Variants in MIER2 observed in about 807,000 individuals in gnomAD.
MIER2 encodes the protein MIER family member 2, also known as mesoderm induction early response protein 2.
In MIER2, 30 loss-of-function variants were observed where a neutral mutation model predicts 67.6. The observed-to-expected ratio is 0.44, with a 90% CI of 0.33 to 0.60. The LOEUF (loss-of-function observed/expected upper bound fraction) is 0.60. Ranked by LOEUF, MIER2 falls within the 20% of genes least tolerant of loss-of-function variation. The pLI, the probability that MIER2 is intolerant of heterozygous loss-of-function variation, is 0.02. For synonymous variants in MIER2, 372 were observed against 312.6 expected (o/e 1.19, Z -2.00); for missense variants, 702 against 745.1 (o/e 0.94, Z 0.67).
chr19:318,913 C>T (rs1444308354), intron 7 of MIER2, among the ~76,000 whole-genome samples: 6 of 151,722 alleles, frequency 4.0e-5, no homozygotes, highest in East Asian at 1.9e-4. Flanking sequence ...AAAAACTAGC[C>T]GGGCGTGGTG....
At chr19:325,281 G>C (rs570270216) in intron 7 of MIER2, among the ~76,000 whole-genome samples, 327 of 152,350 alleles carry the variant, frequency 2.1e-3, no homozygotes, top group African/African-American at 7.4e-3. Flanking sequence ...CGGGTCTCTG[G>C]AGAACCATCT....
rs199705176 is a variant in MIER2 at position 327,974 on chromosome 19, A to C, written c.259T>G (p.Phe87Val). ...DFISQSNDMP[F>V]DELLALYGYE... ...CCATAGAGCGCAAGCAGCTCATCAA[A>C]GGGCATGTCGTTGCTCTGAGTTGGG... Residue 87 changes from phenylalanine (F) to valine (V), a missense_variant, in exon 4 of 14, where the codon TTT becomes GTT. By Grantham distance (50) the Phe-to-Val change is conservative. Transcript: ENST00000264819. The C allele has an allele frequency of 1.2e-6, 2 of 1,613,152 alleles. No individual in the cohort carries two copies. Among genetic ancestry groups the C allele is most frequent in the East Asian group, 4.5e-5 (2 of 44,706 alleles).
At chr19:307,645 G>A in intron 12 of MIER2, 109 bp from the exon 13 acceptor site, 6 of 1,184,920 alleles carry the variant, frequency 5.1e-6, no homozygotes, top group Non-Finnish European at 6.7e-6. Flanking sequence ...TCCCTCCCCA[G>A]AAAAGCCTCC....
chr19:336,318 G>C (rs1233615655), intron 1 of MIER2, 145 bp from the exon 2 acceptor site: 10 of 651,816 alleles, frequency 1.5e-5, no homozygotes, highest in Non-Finnish European at 2.4e-5. Flanking sequence ...CTGAGGGCTG[G>C]GGGGCACTAG....
In MIER2 at chr19:313,529, T is replaced by G. The variant is rs529336871; in HGVS notation, c.770A>C (p.Gln257Pro). 6.2e-7 allele frequency: 1 copy of G among 1,612,878 alleles called. No homozygotes were observed. Among genetic ancestry groups the G allele is most frequent in the African/African-American group, 1.3e-5 (1 of 75,040 alleles). The change falls in exon 8 of 14, where the codon CAG becomes CCG. Residue 257 changes from glutamine (Q) to proline (P), a missense_variant. Transcript: ENST00000264819. ...TTTCACGGCTTCTCCCTCTGGGAGC[T>G]GAGGCCCGGCCATCTCGTGCCAACG... ...KRRWHEMAGP[Q>P]LPEGEAVKDS...
chr19:313,248 G>C (rs1298832538), intron 8 of MIER2, among the ~76,000 whole-genome samples: 2 of 151,818 alleles, frequency 1.3e-5, no homozygotes, highest in Non-Finnish European at 2.9e-5. Context: ...TATCCAGGGA[G>C]TGACATCAGG....
At position 313,472 on chromosome 19, in the gene MIER2, C is replaced by G. The variant is rs886854416; in HGVS notation, c.807+20G>C. 1 of 1,606,408 alleles carries G rather than the reference C, an allele frequency of 6.2e-7. No homozygotes were observed. The highest frequency in any genetic ancestry group is 1.3e-5 in the African/African-American group (1 of 75,012). On this transcript the variant is annotated intron_variant, in intron 8 of 13. Transcript: ENST00000264819. ...CACGGCAGCCCTCAGCCCCTCTGTCCCCGGCATGGCAGCCCCCACCTGCTC... is the reference window on the plus strand; with the variant it reads ...CACGGCAGCCCTCAGCCCCTCTGTCGCCGGCATGGCAGCCCCCACCTGCTC...
chr19:323,293 GACC>G (rs992497194), intron 7 of MIER2, among the ~76,000 whole-genome samples: 24 of 130,674 alleles, frequency 1.8e-4, no homozygotes, highest in Admixed American at 1.3e-3. Flanking sequence ...CCAAACCAAG[GACC>G]ACAACGCAAT....
At chr19:338,993 T>C (rs762709814) in intron 1 of MIER2, among the ~76,000 whole-genome samples, 24 of 150,886 alleles carry the variant, frequency 1.6e-4, no homozygotes, top group Non-Finnish European at 3.1e-4. Flanking sequence ...ACCTTTTGAT[T>C]GAATCTAAAA....
At chr19:330,111 C>T (rs1011323003) in intron 3 of MIER2, among the ~76,000 whole-genome samples, 1 of 152,122 alleles carries the variant, frequency 6.6e-6, no homozygotes, top group Non-Finnish European at 1.5e-5. Flanking sequence ...CAGAAAGGCA[C>T]CTGGCAGGCG....
chr19:311,667 G>A (rs898484720), intron 10 of MIER2, among the ~76,000 whole-genome samples, 178 bp downstream of exon 10: 5 of 152,188 alleles, frequency 3.3e-5, no homozygotes, highest in African/African-American at 1.2e-4. Flanking sequence ...GACAGGAAAG[G>A]GGCCCACAGC....
intron 2 of MIER2, among the ~76,000 whole-genome samples, chr19:335,707 G>A (rs1376144070): frequency 1.3e-5 from 2 of 152,288 alleles, no homozygotes; most frequent in East Asian, 1.9e-4. Flanking sequence ...CAGGGAACCC[G>A]GGGTGCTGCC....
At position 334,576 on chromosome 19, in the gene MIER2, T is replaced by C. The variant is rs776353137; in HGVS notation, c.101-34A>G. 12 of 1,604,814 alleles carry C rather than the reference T, an allele frequency of 7.5e-6. No individual in the cohort carries two copies. The Admixed American group carries it at 2.0e-4, about 27-fold the overall frequency. ...AAGAGAGCAGCCCAGGTGAGCACCG[T>C]GCCTCGCCTGTCCCAACCATCCTGC... is the stretch of plus-strand genomic sequence containing the variant. On this transcript the variant is annotated intron_variant, in intron 2 of 13. Transcript: ENST00000264819.
chr19:336,146 G>A lies in MIER2; in HGVS notation c.37C>T (p.Arg13Cys), dbSNP rs147406625. ...CTGTGCTCGAGGCAGGAGACCACGC[G>A]AGGACTCTGCCTCCCCAGCGAGGAG... Reference protein sequence around the residue: ...EASSLGRQSPRVVSCLEHSLC... With the variant: ...EASSLGRQSPCVVSCLEHSLC... The change falls in exon 2 of 14, where the codon CGC (arginine) becomes TGC (cysteine). Residue 13 changes from arginine (R) to cysteine (C), a missense_variant. Coordinates refer to ENST00000264819, the MANE Select transcript of MIER2 (RefSeq NM_017550.3). The A allele has an allele frequency of 9.3e-6, 15 of 1,613,338 alleles. No individual in the cohort carries two copies. Among genetic ancestry groups the A allele is most frequent in the Middle Eastern group, 1.7e-4 (1 of 6,044 alleles).
intron 9 of MIER2, 53 bp from the exon 10 acceptor site, chr19:311,992 C>A (rs878867564): frequency 1.4e-6 from 2 of 1,384,696 alleles, no homozygotes; most frequent in African/African-American, 1.4e-5. Context: ...GGGGCCGCAG[C>A]GGAAGGAAGG....
At chr19:340,435 A>G (rs1972453215) in intron 1 of MIER2, 1 of 152,270 alleles carries the variant, frequency 6.6e-6, no homozygotes, top group Non-Finnish European at 1.5e-5. Flanking sequence ...ATATTGTATT[A>G]TGTACTGTAT....
At chr19:337,526 G>C (rs1179494904) in intron 1 of MIER2, among the ~76,000 whole-genome samples, 1 of 152,172 alleles carries the variant, frequency 6.6e-6, no homozygotes, top group Non-Finnish European at 1.5e-5. Context: ...CTAAATGGAG[G>C]GCTGGATGGT....
intron 4 of MIER2, 56 bp from the exon 5 acceptor site, chr19:327,312 A>C (rs1431231609): frequency 5.8e-6 from 9 of 1,543,336 alleles, no homozygotes; most frequent in Non-Finnish European, 7.8e-6. Context: ...ATCTCGCAAT[A>C]CCACTAATGA....
In MIER2 at chr19:320,714, T is replaced by G. The variant is rs151039601; in HGVS notation, c.655+4921A>C. On this transcript the variant is annotated intron_variant, in intron 7 of 13. Transcript: ENST00000264819. The stretch of plus-strand genomic sequence containing the variant: ...GCCTGATGATCTGAGGTGGAACGGT[T>G]TCCTCCTGAAACCACGCCCCCTACT... 5.8e-3 allele frequency among the ~76,000 whole-genome samples: 884 copies of G among 152,244 alleles called. 8 individuals carry two copies. The highest frequency in any genetic ancestry group is 0.02 in the African/African-American group (831 of 41,542).
Sources: allele counts gnomAD v4.1 joint callset (sites outside exome capture counted in the v4.1 genomes callset), GRCh38; gene constraint gnomAD v4.1.1; transcripts MANE v1.5; gene names NCBI Gene and HGNC (gene_info 2026-07-23, HGNC 2026-07-21).